TENM2: variants seen among roughly 807,000 people sequenced by gnomAD.
TENM2 encodes teneurin-2.
A neutral mutation model predicts 245.2 loss-of-function variants in TENM2; 52 were observed. That is an observed-to-expected ratio of 0.21 (90% confidence interval 0.17 to 0.27). TENM2 has a LOEUF of 0.27. Ranked by LOEUF, TENM2 falls within the 10% of genes least tolerant of loss-of-function variation. The pLI is 1.00. For synonymous variants in TENM2, 1,363 were observed against 1,438.9 expected, an observed-to-expected ratio of 0.95 and a Z score of 1.19; for missense variants, 3,046 against 3,666.8, an observed-to-expected ratio of 0.83 and a Z score of 4.37.
chr5:167,167,936 C>T, the TENM2 span, among the ~76,000 whole-genome samples: 1 of 152,016 alleles, frequency 6.6e-6, no homozygotes, highest in Non-Finnish European at 1.5e-5. Context: ...CACATTGAGA[C>T]CCACACTTTG....
At chr5:167,827,622 G>A (rs1768076601) in intron 2 of TENM2, among the ~76,000 whole-genome samples, 1 of 117,136 alleles carries the variant, frequency 8.5e-6, no homozygotes, top group African/African-American at 3.1e-5. Flanking sequence ...CAAGGAGCTA[G>A]GTGGGCGGGG....
intron 2 of TENM2, among the ~76,000 whole-genome samples, chr5:167,456,852 C>T (rs559530449): frequency 2.4e-4 from 36 of 152,276 alleles, no homozygotes; most frequent in Non-Finnish European, 3.8e-4. Flanking sequence ...AGTATATGTT[C>T]TCCAATATGT....
chr5:167,554,269 ATAGCTAGCTGCAT>A (rs1465482547), intron 2 of TENM2, among the ~76,000 whole-genome samples: 2 of 152,208 alleles, frequency 1.3e-5, no homozygotes. Context: ...CCTTGGTGCA[ATAGCTAGCTGCAT>A]TATACTCTAA....
At chr5:167,242,021 TCTTTG>T in the TENM2 span, among the ~76,000 whole-genome samples, 1 of 151,806 alleles carries the variant, frequency 6.6e-6, no homozygotes. Context: ...GTTTAGGTTT[TCTTTG>T]TTTTCTTTTT....
At chr5:167,171,529 T>G in the TENM2 span, among the ~76,000 whole-genome samples, 2 of 152,104 alleles carry the variant, frequency 1.3e-5, no homozygotes, top group Non-Finnish European at 2.9e-5. Context: ...CAAGGAGTGG[T>G]GAACTACCCA....
chr5:167,042,549 G>A, the TENM2 span, among the ~76,000 whole-genome samples: 5 of 152,150 alleles, frequency 3.3e-5, no homozygotes, highest in Admixed American at 6.5e-5. Context: ...TTAGAACCAC[G>A]AATTATAATA....
the TENM2 span, among the ~76,000 whole-genome samples, chr5:167,263,113 G>C: frequency 6.6e-6 from 1 of 152,142 alleles, no homozygotes; most frequent in Non-Finnish European, 1.5e-5. Flanking sequence ...GTAAGAATTT[G>C]GGAGGGGGTA....
At chr5:167,835,056 C>T (rs78708491) in intron 2 of TENM2, among the ~76,000 whole-genome samples, 11,543 of 152,226 alleles carry the variant, frequency 0.076, 511 homozygotes, top group African/African-American at 0.12. Context: ...TGCCCCTGAG[C>T]ATGGTATTGA....
At chr5:167,174,825 G>GT in the TENM2 span, among the ~76,000 whole-genome samples, 1 of 149,180 alleles carries the variant, frequency 6.7e-6, no homozygotes, top group Admixed American at 6.7e-5. Flanking sequence ...TTTCCTCCCT[G>GT]TTTTTTCTGC....
chr5:167,897,374 G>C (rs1775304883), intron 3 of TENM2, among the ~76,000 whole-genome samples: 1 of 151,930 alleles, frequency 6.6e-6, no homozygotes, highest in South Asian at 2.1e-4. Flanking sequence ...GACAGCCCTG[G>C]TAAACTTTTC....
At chr5:167,753,366 G>A (rs545438686) in intron 2 of TENM2, among the ~76,000 whole-genome samples, 5 of 152,282 alleles carry the variant, frequency 3.3e-5, no homozygotes, top group South Asian at 2.1e-4. Flanking sequence ...TAGACCTGGG[G>A]TAAATCGATT....
At chr5:167,473,330 G>A (rs1304927651) in intron 2 of TENM2, among the ~76,000 whole-genome samples, 1 of 151,936 alleles carries the variant, frequency 6.6e-6, no homozygotes, top group Admixed American at 6.6e-5. Flanking sequence ...TTCTTTACTG[G>A]TTATATATGT....
At chr5:167,402,363 TG>T (rs2127387855) in intron 2 of TENM2, among the ~76,000 whole-genome samples, 1 of 152,248 alleles carries the variant, frequency 6.6e-6, no homozygotes, top group South Asian at 2.1e-4. Context: ...TCCCTTAAAC[TG>T]GCTCTAAATT....
chr5:167,840,043 A>T (rs2151144560), intron 2 of TENM2, among the ~76,000 whole-genome samples: 1 of 152,276 alleles, frequency 6.6e-6, no homozygotes, highest in African/African-American at 2.4e-5. Context: ...CTGGTCTCAA[A>T]CTTCTGACTT....
chr5:167,516,598 G>A (rs1180660530), intron 2 of TENM2, among the ~76,000 whole-genome samples: 1 of 152,092 alleles, frequency 6.6e-6, no homozygotes, highest in African/African-American at 2.4e-5. Context: ...CTTCTGCCTA[G>A]GCTAATGCTA....
chr5:167,320,028 G>T (rs770429502), intron 1 of TENM2, among the ~76,000 whole-genome samples: 2 of 152,110 alleles, frequency 1.3e-5, no homozygotes, highest in African/African-American at 4.8e-5. Flanking sequence ...CAGGCCACAG[G>T]CTAAGAACTT....
chr5:167,460,640 G>A (rs1009637796), intron 2 of TENM2, among the ~76,000 whole-genome samples: 15 of 150,118 alleles, frequency 1.0e-4, no homozygotes, highest in Middle Eastern at 3.4e-3. Context: ...ATATACCACA[G>A]ACAACCACAG....
rs1758841977 is a variant in TENM2, at chr5:167,350,866, A to G, written c.227-24332A>G. Among the ~76,000 whole-genome samples, 2 of 91,522 alleles carry G rather than the reference A, an allele frequency of 2.2e-5. 1 individual carries two copies. Among genetic ancestry groups the G allele is most frequent in the African/African-American group, 7.1e-5 (2 of 28,036 alleles). 60.0% of individuals were successfully genotyped at this position (91,522 alleles called of 152,430 possible). ...ATATGGATATATATATGGGATGTAT[A>G]CATATGGATATATATATATGGGATG... On this transcript the variant is annotated intron_variant, in intron 1 of 28. Coordinates refer to ENST00000518659, the Ensembl canonical transcript of TENM2.
chr5:167,600,321 AC>A (rs1369121373), intron 2 of TENM2, among the ~76,000 whole-genome samples: 1 of 151,934 alleles, frequency 6.6e-6, no homozygotes, highest in African/African-American at 2.4e-5. Flanking sequence ...GCAAATTAGA[AC>A]CTTTTTTTGT....
Sources: allele counts gnomAD v4.1 joint callset (sites outside exome capture counted in the v4.1 genomes callset), GRCh38; gene constraint gnomAD v4.1.1; transcripts MANE v1.5; gene names NCBI Gene and HGNC (gene_info 2026-07-23, HGNC 2026-07-21).